Variants in GAB2 observed in about 807,000 individuals in gnomAD.
GAB2 encodes GRB2 associated binding protein 2, also known as GRB2-associated-binding protein 2.
GAB2 carries 26 observed loss-of-function variants against 65.5 expected under a neutral mutation model. The ratio of observed to expected loss-of-function variants is 0.40; its 90% CI spans 0.29 to 0.55. The LOEUF is 0.55. Among genes scored for constraint, GAB2 ranks in the 20% least tolerant of loss-of-function variants. The probability of loss-of-function intolerance (pLI) is 0.53; values close to 1 mark genes in which losing one functional copy is unlikely to be tolerated. For synonymous variants in GAB2, 321 were observed against 329.6 expected (o/e 0.97, Z 0.28); for missense variants, 884 against 875.8 (o/e 1.01, Z -0.12).
At chr11:78,384,095 AC>A (rs1856734417) in intron 1 of GAB2, among the ~76,000 whole-genome samples, 1 of 152,154 alleles carries the variant, frequency 6.6e-6, no homozygotes. Context: ...TTGATTTTGT[AC>A]CAAACCTGCA....
chr11:78,274,689 G>A (rs987590843), intron 2 of GAB2, among the ~76,000 whole-genome samples: 3 of 152,150 alleles, frequency 2.0e-5, no homozygotes, highest in South Asian at 4.1e-4. Context: ...TAAAGCCCTT[G>A]AAATTACTAA....
chr11:78,396,816 C>T (rs1032536833), intron 1 of GAB2, among the ~76,000 whole-genome samples: 22 of 152,164 alleles, frequency 1.4e-4, no homozygotes, highest in African/African-American at 5.3e-4. Context: ...AGGCTGCTCT[C>T]CAACTCCTGA....
intron 1 of GAB2, among the ~76,000 whole-genome samples, chr11:78,315,308 G>A (rs1179823263): frequency 6.6e-6 from 1 of 152,088 alleles, no homozygotes; most frequent in Non-Finnish European, 1.5e-5. Flanking sequence ...TCTTTGAACT[G>A]CCAAGGATAG....
chr11:78,278,400 T>G lies in GAB2; in HGVS notation c.376+2201A>C, dbSNP rs3018553. 5.2e-3 allele frequency among the ~76,000 whole-genome samples: 790 copies of G among 151,704 alleles called. 26 individuals carry two copies. The highest frequency in any genetic ancestry group is 0.044 in the Admixed American group (663 of 15,236). Reference sequence around the variant, plus strand: ...TTTTTTTTGTTTTTTGTTTGTTTTTTGAGACAGGGTCTCCCTCTGTCACCC... The same window carrying G: ...TTTTTTTTGTTTTTTGTTTGTTTTTGGAGACAGGGTCTCCCTCTGTCACCC... On this transcript the variant is annotated intron_variant, in intron 2 of 9. Transcript: ENST00000361507.
intron 1 of GAB2, among the ~76,000 whole-genome samples, chr11:78,349,923 AAAAAAAAG>A (rs927718643): frequency 5.0e-4 from 75 of 151,052 alleles, no homozygotes; most frequent in Middle Eastern, 3.4e-3. Flanking sequence ...TGACAGAGGT[AAAAAAAAG>A]AAAAAAAGAA....
intron 4 of GAB2, among the ~76,000 whole-genome samples, 159 bp downstream of exon 4, chr11:78,226,306 T>A (rs561771434): frequency 6.6e-6 from 1 of 152,262 alleles, no homozygotes; most frequent in East Asian, 1.9e-4. Context: ...GACCAACTGG[T>A]AAGGGATCTG....
intron 1 of GAB2, among the ~76,000 whole-genome samples, chr11:78,410,476 C>T (rs1857112980): frequency 6.6e-6 from 1 of 152,142 alleles, no homozygotes; most frequent in South Asian, 2.1e-4. Flanking sequence ...TGCACTCCAC[C>T]CCAGGTGACA....
intron 1 of GAB2, among the ~76,000 whole-genome samples, chr11:78,366,420 T>C (rs1856497837): frequency 6.6e-6 from 1 of 151,790 alleles, no homozygotes; most frequent in Admixed American, 6.6e-5. Context: ...TTTCCGTCTC[T>C]ACTAAAAATA....
intron 1 of GAB2, among the ~76,000 whole-genome samples, chr11:78,317,765 TCAGCCCTAAA>T (rs1855639921): frequency 6.6e-6 from 1 of 152,134 alleles, no homozygotes; most frequent in Admixed American, 6.5e-5. Flanking sequence ...CCTAAGGAGA[TCAGCCCTAAA>T]CAGCCCTGCC....
At chr11:78,250,450 T>C in intron 2 of GAB2, 50 bp from the exon 3 acceptor site, 2 of 1,552,768 alleles carry the variant, frequency 1.3e-6, no homozygotes, top group South Asian at 2.2e-5. Flanking sequence ...AAATGTATCC[T>C]TATCCCAAAG....
intron 3 of GAB2, among the ~76,000 whole-genome samples, chr11:78,229,954 T>A (rs2134477618): frequency 6.6e-6 from 1 of 152,368 alleles, no homozygotes; most frequent in East Asian, 1.9e-4. Flanking sequence ...ATTGCTTAAC[T>A]TAATCACTTG....
intron 3 of GAB2, among the ~76,000 whole-genome samples, chr11:78,232,391 G>A (rs1324048490): frequency 2.0e-5 from 3 of 152,154 alleles, no homozygotes; most frequent in Non-Finnish European, 4.4e-5. Flanking sequence ...GAAATAAGAA[G>A]ACAGACACTG....
rs763452318 is a variant in GAB2 at position 78,226,548 on chromosome 11, A to G, written c.1124T>C (p.Ile375Thr). The G allele has an allele frequency of 1.4e-6, 2 of 1,415,704 alleles. No individual in the cohort carries two copies. The highest frequency in any genetic ancestry group is 1.9e-6 in the Non-Finnish European group (2 of 1,067,548). The allele number at this position is 1,415,704 out of a possible 1,614,324, so 87.7% of individuals were successfully genotyped here. A position where few individuals can be genotyped will look rare whatever the true frequency, so the allele number is the denominator to read the frequency against. ...RWGSPQQRPP[I>T]SENSRSVAAT... ...AGCGACAGATCTGCTATTTTCACTGATTGGCGGTCTCTGCTGAGGACTGCC... is the reference window on the plus strand; with the variant it reads ...AGCGACAGATCTGCTATTTTCACTGGTTGGCGGTCTCTGCTGAGGACTGCC... Residue 375 changes from isoleucine to threonine, a missense_variant, in exon 4 of 10, where the codon ATC becomes ACC. Physicochemically the swap from Ile to Thr is moderately conservative, Grantham distance 89. Coordinates refer to ENST00000361507, the MANE Select transcript of GAB2 (RefSeq NM_080491.3).
chr11:78,338,726 T>C (rs1234942563), intron 1 of GAB2, among the ~76,000 whole-genome samples: 1 of 152,192 alleles, frequency 6.6e-6, no homozygotes, highest in Non-Finnish European at 1.5e-5. Context: ...AGTACTGTGG[T>C]TGTTCTGGTT....
At chr11:78,349,017 T>TA (rs1392758339) in intron 1 of GAB2, among the ~76,000 whole-genome samples, 1 of 152,222 alleles carries the variant, frequency 6.6e-6, no homozygotes, top group Non-Finnish European at 1.5e-5. Context: ...TGCCTGGGGC[T>TA]AAGGGCAAAG....
intron 1 of GAB2, among the ~76,000 whole-genome samples, chr11:78,285,450 C>G (rs1198891902): frequency 6.6e-6 from 1 of 152,154 alleles, no homozygotes; most frequent in African/African-American, 2.4e-5. Flanking sequence ...CCCTCTTCCA[C>G]CACAACACCT....
chr11:78,260,198 C>G (rs1001937389), intron 2 of GAB2, among the ~76,000 whole-genome samples: 1 of 152,208 alleles, frequency 6.6e-6, no homozygotes, highest in African/African-American at 2.4e-5. Flanking sequence ...ATTCCCCATC[C>G]CCCTTCCAAG....
intron 1 of GAB2, among the ~76,000 whole-genome samples, chr11:78,320,375 G>A (rs1230296621): frequency 6.6e-6 from 1 of 152,064 alleles, no homozygotes; most frequent in African/African-American, 2.4e-5. Context: ...TCAATATTAT[G>A]ATCAAGGAAA....
intron 1 of GAB2, among the ~76,000 whole-genome samples, chr11:78,400,835 C>A (rs956386236): frequency 1.6e-5 from 2 of 125,106 alleles, no homozygotes; most frequent in African/African-American, 3.0e-5. Context: ...GCCTAGGAGG[C>A]GGAGACTGCA....
Sources: allele counts gnomAD v4.1 joint callset (sites outside exome capture counted in the v4.1 genomes callset), GRCh38; gene constraint gnomAD v4.1.1; transcripts MANE v1.5; gene names NCBI Gene and HGNC (gene_info 2026-07-23, HGNC 2026-07-21).